The following TENM1 variants were observed in gnomAD, a reference collection of about 807,000 sequenced individuals.
TENM1 encodes teneurin transmembrane protein 1, also known as teneurin-1.
In TENM1, 35 loss-of-function variants were observed where a neutral mutation model predicts 174.8. That is an observed-to-expected ratio of 0.20 (90% CI 0.15 to 0.27). TENM1 has a LOEUF of 0.27. Ranked by LOEUF, TENM1 falls within the 10% of genes least tolerant of loss-of-function variation. The pLI is 1.00. For synonymous variants in TENM1, 781 were observed against 798.7 expected (o/e 0.98, Z 0.37); for missense variants, 1,633 against 2,130.1 (o/e 0.77, Z 4.59).
chrX:124,895,408 A>C (rs1469965342), intron 2 of TENM1, among the ~76,000 whole-genome samples: 1 of 111,962 alleles, frequency 8.9e-6, no homozygotes, highest in Non-Finnish European at 1.9e-5. Flanking sequence ...TTGCAAGAAA[A>C]TCATATATGA....
chrX:124,564,116 T>C (rs2048888931), intron 12 of TENM1, among the ~76,000 whole-genome samples: 1 of 111,674 alleles, frequency 9.0e-6, no homozygotes, highest in African/African-American at 3.3e-5. Flanking sequence ...TAGAAGAGAG[T>C]TCTGGAGTAA....
chrX:124,413,265 T>C (rs1003352614), intron 25 of TENM1, among the ~76,000 whole-genome samples: 1 of 111,742 alleles, frequency 8.9e-6, no homozygotes. Flanking sequence ...GTTAAATATA[T>C]TGTGATTGCC....
intron 3 of TENM1, among the ~76,000 whole-genome samples, chrX:124,806,577 C>T (rs2055603941): frequency 8.9e-6 from 1 of 112,208 alleles, no homozygotes; most frequent in Non-Finnish European, 1.9e-5. Flanking sequence ...AAGCAAAGAA[C>T]AAATAAGGAA....
At chrX:124,771,213 T>C (rs999139564) in intron 3 of TENM1, among the ~76,000 whole-genome samples, 18 of 112,758 alleles carry the variant, frequency 1.6e-4, no homozygotes, top group African/African-American at 4.5e-4. Context: ...ACACAGAACT[T>C]TTAAATTTTA....
intron 3 of TENM1, among the ~76,000 whole-genome samples, chrX:124,879,979 T>C (rs918063313): frequency 9.8e-5 from 11 of 111,995 alleles, no homozygotes; most frequent in Non-Finnish European, 2.1e-4. Flanking sequence ...AGTCAGGAAG[T>C]GTGATGCTTC....
chrX:124,391,286 G>A (rs1427225236), intron 28 of TENM1, among the ~76,000 whole-genome samples: 1 of 111,361 alleles, frequency 9.0e-6, no homozygotes, highest in Non-Finnish European at 1.9e-5. Context: ...ATTTAGGACT[G>A]ATGAATTCCT....
At chrX:124,405,999 G>A (rs943126514) in intron 26 of TENM1, among the ~76,000 whole-genome samples, 1 of 104,163 alleles carries the variant, frequency 9.6e-6, no homozygotes, top group African/African-American at 3.5e-5. Context: ...TGGAGCCCAG[G>A]CTCCATTTAT....
intron 3 of TENM1, among the ~76,000 whole-genome samples, chrX:124,857,112 C>G (rs921594593): frequency 1.8e-5 from 2 of 111,275 alleles, no homozygotes; most frequent in African/African-American, 6.5e-5. Flanking sequence ...GCCTCTACAT[C>G]TCACAGATAG....
chrX:124,422,730 G>C, intron 23 of TENM1, 92 bp from the exon 27 acceptor site: 1 of 915,128 alleles, frequency 1.1e-6, no homozygotes, highest in South Asian at 2.5e-5. Flanking sequence ...TTGGTGTATT[G>C]TTTCCCCCGT....
intron 3 of TENM1, among the ~76,000 whole-genome samples, chrX:124,823,833 T>C (rs781590449): frequency 9.0e-6 from 1 of 111,547 alleles, no homozygotes; most frequent in South Asian, 3.8e-4. Flanking sequence ...TCATAAGCAA[T>C]CATAATCATA....
the TENM1 span, among the ~76,000 whole-genome samples, chrX:125,010,674 C>T: frequency 0.11 from 11,459 of 108,527 alleles, 548 homozygotes; most frequent in South Asian, 0.21. Flanking sequence ...ATTAGCTGGG[C>T]GCGGTGGCGG....
chrX:125,134,777 T>C, the TENM1 span, among the ~76,000 whole-genome samples: 1 of 112,242 alleles, frequency 8.9e-6, no homozygotes, highest in Non-Finnish European at 1.9e-5. Flanking sequence ...TTTTTGATTA[T>C]GATAACTGAA....
chrX:124,747,176 T>TA (rs2148570483), intron 3 of TENM1, among the ~76,000 whole-genome samples: 1 of 106,023 alleles, frequency 9.4e-6, no homozygotes, highest in Non-Finnish European at 1.9e-5. Context: ...AATAAATAAA[T>TA]AAATAAAATT....
chrX:124,386,230 T>G (rs937793521), intron 28 of TENM1, among the ~76,000 whole-genome samples, 166 bp from the exon 32 acceptor site: 2 of 111,836 alleles, frequency 1.8e-5, no homozygotes, highest in Non-Finnish European at 3.8e-5. Context: ...GTGGTGTCTA[T>G]CTTCATGAAA....
intron 23 of TENM1, among the ~76,000 whole-genome samples, chrX:124,435,115 A>C (rs768091817): frequency 9.0e-6 from 1 of 111,674 alleles, no homozygotes; most frequent in African/African-American, 3.3e-5. Context: ...GATAATTCAG[A>C]GTAAGGACAG....
At chrX:124,681,558 T>C (rs2052234604) in intron 5 of TENM1, among the ~76,000 whole-genome samples, 1 of 111,828 alleles carries the variant, frequency 8.9e-6, no homozygotes. Context: ...ACTTACTGTT[T>C]GGTTGCAAAA....
chrX:125,088,413 G>T, the TENM1 span, among the ~76,000 whole-genome samples: 1 of 110,786 alleles, frequency 9.0e-6, no homozygotes, highest in Non-Finnish European at 1.9e-5. Context: ...GGGACTTTAG[G>T]TAATAATAAT....
rs759664387 is a variant in TENM1, at chrX:124,561,784, C to T, written c.2321G>A (p.Arg774Gln). Residue 774 changes from arginine (R) to glutamine (Q), a missense_variant, in exon 14 of 32, where the codon CGA (arginine) becomes CAA (glutamine). By Grantham distance (43) the Arg-to-Gln change is conservative. This residue lies in a region of TENM1 where 449 missense variants were observed against 636.2 expected (regional missense o/e 0.71). Transcript: ENST00000422452. ...CCAACCATTTTGATCCAGGGTACAT[C>T]GTCCATTTCCAAAGCAGAGCCCTGG... 63 of 1,209,246 alleles carry T rather than the reference C, an allele frequency of 5.2e-5. No homozygotes were observed. In the Admixed American group the frequency reaches 1.1e-3, roughly 22 times the overall value.
intron 1 of TENM1, among the ~76,000 whole-genome samples, chrX:124,900,791 C>CTT (rs370775010): frequency 4.7e-4 from 46 of 98,209 alleles, no homozygotes; most frequent in African/African-American, 1.7e-3. Flanking sequence ...TCTTCTTCTT[C>CTT]TTTTTTTTTT....
Sources: gnomAD v4.1 joint callset for allele counts (sites outside exome capture counted in the v4.1 genomes callset) on GRCh38, gnomAD v4.1.1 for gene constraint, gnomAD v4.1.1 regional missense constraint, MANE v1.5 for transcripts, NCBI Gene and HGNC (gene_info 2026-07-23, HGNC 2026-07-21) for gene names.